DSCAML1: variants seen among roughly 807,000 people sequenced by gnomAD.
The protein encoded by DSCAML1 is cell adhesion molecule DSCAML1.
A neutral mutation model predicts 200.5 loss-of-function variants in DSCAML1; 38 were observed. That is an observed-to-expected ratio of 0.19 (90% CI 0.15 to 0.25). The LOEUF (loss-of-function observed/expected upper bound fraction) is 0.25. Ranked by LOEUF, DSCAML1 falls within the 10% of genes least tolerant of loss-of-function variation. The pLI, the probability that DSCAML1 is intolerant of heterozygous loss-of-function variation, is 1.00. For missense variants in DSCAML1, 2,223 were observed against 2,858.8 expected (o/e 0.78, Z 5.07); for synonymous variants, 1,215 against 1,165.0 (o/e 1.04, Z -0.87).
chr11:117,798,499 A>T (rs1191926475), upstream of DSCAML1, among the ~76,000 whole-genome samples: 1 of 152,196 alleles, frequency 6.6e-6, no homozygotes, highest in Non-Finnish European at 1.5e-5. Context: ...TTTGAAGTGT[A>T]CTATTCTGTG....
At chr11:117,703,121 A>T (rs1204050874) in intron 3 of DSCAML1, among the ~76,000 whole-genome samples, 1 of 152,210 alleles carries the variant, frequency 6.6e-6, no homozygotes. Context: ...TGTGAGCAGT[A>T]GGGGAGCAGA....
chr11:117,681,041 C>T (rs745578871), intron 3 of DSCAML1, among the ~76,000 whole-genome samples: 4 of 152,182 alleles, frequency 2.6e-5, no homozygotes, highest in African/African-American at 9.7e-5. Context: ...CTCCCTCATT[C>T]GGACCCTGGA....
chr11:117,512,145 G>A (rs201682763), intron 8 of DSCAML1, among the ~76,000 whole-genome samples: 21 of 152,040 alleles, frequency 1.4e-4, no homozygotes, highest in Admixed American at 6.6e-4. Flanking sequence ...TCACACTTCC[G>A]GTGCTCTGTC....
chr11:117,561,046 G>A (rs1181814516), intron 3 of DSCAML1, among the ~76,000 whole-genome samples: 1 of 152,210 alleles, frequency 6.6e-6, no homozygotes, highest in Non-Finnish European at 1.5e-5. Context: ...AGGTGAGCAG[G>A]AGAGCTCAGG....
At chr11:117,649,267 G>A (rs1227458781) in intron 3 of DSCAML1, among the ~76,000 whole-genome samples, 2 of 152,018 alleles carry the variant, frequency 1.3e-5, no homozygotes, top group African/African-American at 2.4e-5. Context: ...TAGTAGAGAC[G>A]AGGTTTCACC....
At chr11:117,519,358 A>G (rs1211045583) in intron 6 of DSCAML1, among the ~76,000 whole-genome samples, 1 of 152,230 alleles carries the variant, frequency 6.6e-6, no homozygotes, top group Non-Finnish European at 1.5e-5. Flanking sequence ...AGGCGGTGGC[A>G]GTGAGGAGTC....
chr11:117,442,927 C>T (rs1443810786), intron 21 of DSCAML1, among the ~76,000 whole-genome samples: 4 of 152,196 alleles, frequency 2.6e-5, no homozygotes, highest in Non-Finnish European at 5.9e-5. Context: ...TCAACAAGCC[C>T]TGCTGGCAGG....
intron 1 of DSCAML1, among the ~76,000 whole-genome samples, chr11:117,803,711 G>A (rs574248898): frequency 2.6e-5 from 4 of 152,218 alleles, no homozygotes; most frequent in Non-Finnish European, 4.4e-5. Context: ...AGGGCTCCCC[G>A]CTTGCCTCAG....
At chr11:117,728,118 G>A (rs752244608) in intron 3 of DSCAML1, among the ~76,000 whole-genome samples, 2 of 152,118 alleles carry the variant, frequency 1.3e-5, no homozygotes, top group Non-Finnish European at 2.9e-5. Flanking sequence ...ATGCAAAGCT[G>A]GTTTAACATC....
intron 3 of DSCAML1, among the ~76,000 whole-genome samples, chr11:117,764,352 G>A (rs1713994102): frequency 6.6e-6 from 1 of 152,144 alleles, no homozygotes; most frequent in Admixed American, 6.5e-5. Flanking sequence ...ATTACATCAT[G>A]CATGCATGCT....
chr11:117,564,496 T>C (rs1378427206), intron 3 of DSCAML1, among the ~76,000 whole-genome samples: 1 of 152,192 alleles, frequency 6.6e-6, no homozygotes, highest in Non-Finnish European at 1.5e-5. Flanking sequence ...GCAGCTGCTC[T>C]GGCTTCTTTG....
At chr11:117,774,316 A>T (rs531433558) in intron 3 of DSCAML1, among the ~76,000 whole-genome samples, 2 of 152,326 alleles carry the variant, frequency 1.3e-5, no homozygotes, top group East Asian at 3.9e-4. Flanking sequence ...CGTGTGGGGA[A>T]CACAGACACC....
intron 1 of DSCAML1, among the ~76,000 whole-genome samples, chr11:117,808,659 T>A (rs922687138): frequency 6.6e-6 from 1 of 152,216 alleles, no homozygotes; most frequent in Admixed American, 6.5e-5. Context: ...AAGGTTTATG[T>A]TCTGTAGTTT....
At chr11:117,803,975 C>T (rs2055685602) in intron 1 of DSCAML1, among the ~76,000 whole-genome samples, 2 of 152,232 alleles carry the variant, frequency 1.3e-5, no homozygotes, top group Admixed American at 1.3e-4. Flanking sequence ...TCCACGGTCT[C>T]TCTGCAGGGC....
chr11:117,428,833 G>C lies in DSCAML1; in HGVS notation c.5687-30C>G, dbSNP rs201821208. 137 of 1,546,168 alleles carry C rather than the reference G, an allele frequency of 8.9e-5. 2 individuals carry two copies. In the Middle Eastern group the frequency reaches 5.1e-3, roughly 58 times the overall value. On this transcript the variant is annotated intron_variant, in intron 32 of 32. Transcript: ENST00000651296. ...AATCACAGAGGCAGAGGATGTTACA[G>C]AGAGTCATAGCCCTCTGGAAGCAGC...
chr11:117,719,647 C>T (rs1290521701), intron 3 of DSCAML1, among the ~76,000 whole-genome samples: 1 of 152,194 alleles, frequency 6.6e-6, no homozygotes, highest in African/African-American at 2.4e-5. Flanking sequence ...TTATTATACC[C>T]ATTTTATAGA....
At chr11:117,554,454 C>T (rs142260742) in intron 3 of DSCAML1, among the ~76,000 whole-genome samples, 2,329 of 152,170 alleles carry the variant, frequency 0.015, 37 homozygotes, top group East Asian at 0.084. Context: ...GATCTCGGCT[C>T]ACTGAAACCT....
chr11:117,450,269 C>G (rs190671591), intron 20 of DSCAML1, among the ~76,000 whole-genome samples: 2 of 152,360 alleles, frequency 1.3e-5, no homozygotes, highest in African/African-American at 4.8e-5. Context: ...CCGAGGCTGA[C>G]CTCCCTTCCA....
In DSCAML1 at chr11:117,442,470, C is replaced by T. The variant is rs115751377; in HGVS notation, c.3862+1416G>A. On this transcript the variant is annotated intron_variant, in intron 21 of 32. Transcript: ENST00000651296. The stretch of plus-strand genomic sequence containing the variant: ...GTATAAGTGTGTGCGCGTGCATATG[C>T]ATGTGTTTGTGCGTGTGCACATGTA... Among the ~76,000 whole-genome samples the T allele has an allele frequency of 1.6e-3, 240 of 150,480 alleles. 1 individual carries two copies. Among genetic ancestry groups the T allele is most frequent in the African/African-American group, 5.4e-3 (219 of 40,758 alleles).
Sources: gnomAD v4.1 joint callset for allele counts (sites outside exome capture counted in the v4.1 genomes callset) on GRCh38, gnomAD v4.1.1 for gene constraint, MANE v1.5 for transcripts, NCBI Gene and HGNC (gene_info 2026-07-23, HGNC 2026-07-21) for gene names.